Variants in CMTM8 observed in about 807,000 individuals in gnomAD.
The protein encoded by CMTM8 is CKLF like MARVEL transmembrane domain containing 8.
A neutral mutation model predicts 18.6 loss-of-function variants in CMTM8; 12 were observed. The ratio of observed to expected loss-of-function variants is 0.65; its 90% confidence interval spans 0.41 to 1.05. The LOEUF is 1.05. CMTM8 is among the 50% of genes least tolerant of loss of function. CMTM8 has a pLI of 0.00. For missense variants in CMTM8, 217 were observed against 227.2 expected (o/e 0.95, Z 0.29); for synonymous variants, 87 against 90.6 (o/e 0.96, Z 0.23).
At chr3:32,246,272 G>C (rs938808764) in intron 1 of CMTM8, among the ~76,000 whole-genome samples, 4 of 152,130 alleles carry the variant, frequency 2.6e-5, no homozygotes, top group Non-Finnish European at 5.9e-5. Flanking sequence ...CCCACTGGCC[G>C]CATCTACTGG....
chr3:32,252,714 A>G (rs899436444), intron 1 of CMTM8, among the ~76,000 whole-genome samples: 3 of 152,180 alleles, frequency 2.0e-5, no homozygotes, highest in African/African-American at 7.2e-5. Context: ...GTGTGTAGCT[A>G]TCTCGAGTTA....
chr3:32,255,768 A>G (rs1051117035), intron 1 of CMTM8, among the ~76,000 whole-genome samples: 2 of 152,142 alleles, frequency 1.3e-5, no homozygotes, highest in South Asian at 4.1e-4. Flanking sequence ...CATGCCACCC[A>G]GGATGGAGTG....
intron 1 of CMTM8, among the ~76,000 whole-genome samples, chr3:32,302,683 C>T (rs982008282): frequency 6.6e-6 from 1 of 152,148 alleles, no homozygotes; most frequent in South Asian, 2.1e-4. Context: ...GAGCAAATTT[C>T]ACAAGGCATG....
intron 1 of CMTM8, among the ~76,000 whole-genome samples, chr3:32,321,113 C>G (rs560900609): frequency 4.0e-4 from 61 of 152,074 alleles, no homozygotes; most frequent in Non-Finnish European, 7.1e-4. Context: ...TTTATACGAC[C>G]CATCAAGCAG....
chr3:32,354,724 G>A (rs920775809), intron 1 of CMTM8, among the ~76,000 whole-genome samples: 6 of 152,086 alleles, frequency 3.9e-5, no homozygotes, highest in African/African-American at 9.7e-5. Flanking sequence ...ACAAAGGGCC[G>A]TTCTGACCCT....
chr3:32,269,067 G>C (rs145497737), intron 1 of CMTM8, among the ~76,000 whole-genome samples: 1,664 of 152,304 alleles, frequency 0.011, 30 homozygotes, highest in African/African-American at 0.038. Context: ...CACTTTGTTT[G>C]AAGCACTAAA....
At chr3:32,250,448 C>T (rs1702098361) in intron 1 of CMTM8, among the ~76,000 whole-genome samples, 1 of 152,168 alleles carries the variant, frequency 6.6e-6, no homozygotes, top group African/African-American at 2.4e-5. Flanking sequence ...AGTCTGGATT[C>T]TGTTGAATCT....
At chr3:32,361,128 T>G (rs1409561958) in intron 2 of CMTM8, among the ~76,000 whole-genome samples, 2 of 152,194 alleles carry the variant, frequency 1.3e-5, no homozygotes. Context: ...ATTAAAGGCA[T>G]GCGCCACCAC....
chr3:32,261,734 A>C (rs1702261931), intron 1 of CMTM8, among the ~76,000 whole-genome samples: 1 of 152,166 alleles, frequency 6.6e-6, no homozygotes. Context: ...TGATTTGAGG[A>C]AACAGTTCTT....
At chr3:32,332,646 CCTT>C (rs1424481001) in intron 1 of CMTM8, among the ~76,000 whole-genome samples, 2 of 152,264 alleles carry the variant, frequency 1.3e-5, no homozygotes, top group African/African-American at 4.8e-5. Context: ...CCGCCTCAAT[CCTT>C]CTTGAATCTG....
At chr3:32,280,524 C>T (rs1477076216) in intron 1 of CMTM8, among the ~76,000 whole-genome samples, 2 of 152,110 alleles carry the variant, frequency 1.3e-5, no homozygotes, top group Non-Finnish European at 2.9e-5. Flanking sequence ...TAGGCTGTAA[C>T]CAAGTAACCA....
intron 2 of CMTM8, among the ~76,000 whole-genome samples, chr3:32,365,133 T>C (rs1371596560): frequency 6.6e-6 from 1 of 152,104 alleles, no homozygotes; most frequent in African/African-American, 2.4e-5. Context: ...AAGCCTTAGA[T>C]AGGAGTAAAC....
At chr3:32,246,563 G>A (rs1390606386) in intron 1 of CMTM8, among the ~76,000 whole-genome samples, 1 of 152,136 alleles carries the variant, frequency 6.6e-6, no homozygotes, top group Non-Finnish European at 1.5e-5. Context: ...CAATCTGAAT[G>A]TGCCTGCTTT....
chr3:32,259,139 T>A (rs1702217693), intron 1 of CMTM8: 2 of 418,480 alleles, frequency 4.8e-6, no homozygotes, highest in Admixed American at 3.1e-5. Flanking sequence ...TCCGGGGACC[T>A]GGCCGCAGGG....
chr3:32,329,574 T>G (rs1039208291), intron 1 of CMTM8, among the ~76,000 whole-genome samples: 6 of 152,190 alleles, frequency 3.9e-5, no homozygotes, highest in African/African-American at 1.2e-4. Flanking sequence ...CAACACCGTT[T>G]CATGATAAAA....
At chr3:32,348,024 T>G (rs1259953819) in intron 1 of CMTM8, among the ~76,000 whole-genome samples, 1 of 152,118 alleles carries the variant, frequency 6.6e-6, no homozygotes, top group Non-Finnish European at 1.5e-5. Context: ...CCATGTTGCC[T>G]TTTTTAAAGT....
chr3:32,367,220 G>A (rs1697055383), intron 2 of CMTM8, among the ~76,000 whole-genome samples: 1 of 152,172 alleles, frequency 6.6e-6, no homozygotes, highest in Non-Finnish European at 1.5e-5. Flanking sequence ...ATGGTTCAGA[G>A]CATGGTTTCT....
At chr3:32,239,228 G>A in intron 1 of CMTM8, 109 bp downstream of exon 1, 1 of 1,291,850 alleles carries the variant, frequency 7.7e-7, no homozygotes, top group Admixed American at 2.6e-5. Flanking sequence ...CGGGCTTTAG[G>A]GAACCGTTTT....
At chr3:32,361,719 A>G (rs1696936100) in intron 2 of CMTM8, among the ~76,000 whole-genome samples, 1 of 152,196 alleles carries the variant, frequency 6.6e-6, no homozygotes, top group African/African-American at 2.4e-5. Context: ...GGAGGTAGAA[A>G]GTGACCTATA....
Sources: allele counts gnomAD v4.1 joint callset (sites outside exome capture counted in the v4.1 genomes callset), GRCh38; gene constraint gnomAD v4.1.1; transcripts MANE v1.5; gene names NCBI Gene and HGNC (gene_info 2026-07-23, HGNC 2026-07-21).